The following C5 variants were observed in gnomAD, a reference collection of about 807,000 sequenced individuals.
C5 encodes the protein C3 and PZP-like alpha-2-macroglobulin domain-containing protein 4.
Under a neutral mutation model 218.8 loss-of-function variants are expected in C5, and 140 were observed. That is an observed-to-expected ratio of 0.64 (90% CI 0.56 to 0.74). The LOEUF (loss-of-function observed/expected upper bound fraction) is 0.74. C5 is among the 30% of genes least tolerant of loss of function. C5 has a pLI of 0.00. For synonymous variants in C5, 614 were observed against 682.3 expected, an observed-to-expected ratio of 0.90 and a Z score of 1.56; for missense variants, 1,700 against 1,969.6, an observed-to-expected ratio of 0.86 and a Z score of 2.59.
chr9:120,984,921 C>T (rs1034015258), intron 25 of C5, among the ~76,000 whole-genome samples: 1 of 151,700 alleles, frequency 6.6e-6, no homozygotes, highest in Non-Finnish European at 1.5e-5. Flanking sequence ...AGGGTTTCAC[C>T]ATGTTGGCCA....
Position 121,015,261 on chromosome 9 carries a change from T to C in C5, c.1997A>G (p.Asp666Gly). 2 of 1,599,424 alleles carry C rather than the reference T, an allele frequency of 1.3e-6. No individual in the cohort carries two copies. Among genetic ancestry groups the C allele is most frequent in the Middle Eastern group, 1.7e-4 (1 of 6,024 alleles). Residue 666 changes from aspartate to glycine, a missense_variant and splice_region_variant, in exon 16 of 41, where the codon GAT becomes GGT. Coordinates refer to ENST00000223642, the MANE Select transcript of C5 (RefSeq NM_001735.3). ...NANADDSQEN[D>G]EPCKEILRPR... Reference sequence around the variant, plus strand: ...CCTGAGAATTTCTTTACAAGGTTCATCTGGTTTTTTTAAAAAAAGATAAAG... The same window carrying C: ...CCTGAGAATTTCTTTACAAGGTTCACCTGGTTTTTTTAAAAAAAGATAAAG...
intron 35 of C5, 31 bp downstream of exon 35, chr9:120,962,862 T>C (rs780932441): frequency 6.2e-7 from 1 of 1,607,766 alleles, no homozygotes; most frequent in South Asian, 1.1e-5. Flanking sequence ...ATAGTAATAG[T>C]AAAGGAAAAA....
At chr9:121,071,321 A>G in the C5 span, among the ~76,000 whole-genome samples, 6 of 152,154 alleles carry the variant, frequency 3.9e-5, no homozygotes, top group Non-Finnish European at 5.9e-5. Context: ...CTCTGTCTCA[A>G]AAAAACAAAA....
At chr9:121,017,873 C>A (rs766724214) in intron 12 of C5, 21 bp from the exon 13 acceptor site, 2 of 1,438,506 alleles carry the variant, frequency 1.4e-6, no homozygotes, top group Non-Finnish European at 2.0e-6. Flanking sequence ...ACAGCAGCAG[C>A]AACAATAAGT....
intron 7 of C5, among the ~76,000 whole-genome samples, chr9:121,030,098 A>G (rs914363617): frequency 2.0e-5 from 3 of 152,232 alleles, no homozygotes; most frequent in Admixed American, 2.0e-4. Context: ...TGAATCCTTC[A>G]TATCTCAGTC....
rs150096192 is a variant in C5 at position 120,989,689 on chromosome 9, C to T, written c.3033G>A (p.Glu1011=). The part of the protein sequence containing the change: ...THLPKGSAEA[E]LMSVVPVFYV... ...AGAATACTGGGACAACGCTCATCAG[C>T]TCCGCCTCTGCACTCCCTTTGGGGA... The change falls in exon 24 of 41, where the codon GAG becomes GAA. Residue 1011 remains glutamate, a synonymous_variant. Coordinates refer to ENST00000223642, the MANE Select transcript of C5 (RefSeq NM_001735.3). 1 of 1,614,002 alleles carries T rather than the reference C, an allele frequency of 6.2e-7. No homozygotes were observed. The highest frequency in any genetic ancestry group is 8.5e-7 in the Non-Finnish European group (1 of 1,179,932).
intron 3 of C5, among the ~76,000 whole-genome samples, chr9:121,041,229 C>T (rs571866449): frequency 3.4e-5 from 5 of 147,460 alleles, no homozygotes; most frequent in African/African-American, 9.9e-5. Flanking sequence ...CAGGCATGAG[C>T]CACTGTGCCT....
At chr9:120,966,186 G>A (rs1179721127) in intron 33 of C5, among the ~76,000 whole-genome samples, 5 of 152,218 alleles carry the variant, frequency 3.3e-5, no homozygotes, top group Admixed American at 1.3e-4. Context: ...TATTCCACCC[G>A]CCTTTCTGGA....
At chr9:120,984,739 T>C (rs913732522) in intron 25 of C5, among the ~76,000 whole-genome samples, 6 of 87,138 alleles carry the variant, frequency 6.9e-5, no homozygotes, top group Admixed American at 1.4e-4. Flanking sequence ...TTTTTTTTTT[T>C]CAGACGGACT....
upstream of C5, among the ~76,000 whole-genome samples, chr9:121,050,728 C>T (rs965103379): frequency 2.6e-4 from 40 of 152,192 alleles, no homozygotes; most frequent in African/African-American, 8.2e-4. Flanking sequence ...TTTTTGGTGA[C>T]CTGAATGGCA....
At chr9:121,032,925 C>T (rs559410207) in intron 5 of C5, among the ~76,000 whole-genome samples, 163 of 152,076 alleles carry the variant, frequency 1.1e-3, no homozygotes, top group African/African-American at 3.4e-3. Flanking sequence ...TGCTTGAGCC[C>T]GCGAGATCAA....
chr9:121,067,391 T>G, the C5 span, among the ~76,000 whole-genome samples: 1 of 151,436 alleles, frequency 6.6e-6, no homozygotes, highest in Non-Finnish European at 1.5e-5. Flanking sequence ...TGAAACCCTG[T>G]CTCTACTAAA....
Position 121,020,196 on chromosome 9 carries a change from CA to C in C5, c.1303-18del. The C allele has an allele frequency of 6.4e-7, 1 of 1,564,318 alleles. No individual in the cohort carries two copies. ...AGTTTTGACCTGAAAAGAGAAATTT[CA>C]AAAAGACATGTATACTGTGATGTAA... On this transcript the variant is annotated intron_variant, in intron 11 of 40. Coordinates refer to ENST00000223642, the MANE Select transcript of C5 (RefSeq NM_001735.3).
In C5 at chr9:120,971,918, T is replaced by C. The variant is rs2046917232; in HGVS notation, c.4080+12A>G. 2.5e-6 allele frequency: 4 copies of C among 1,596,632 alleles called. No individual in the cohort carries two copies. Among genetic ancestry groups the C allele is most frequent in the Non-Finnish European group, 3.4e-6 (4 of 1,164,310 alleles). On this transcript the variant is annotated intron_variant, in intron 31 of 40. Coordinates refer to ENST00000223642, the MANE Select transcript of C5 (RefSeq NM_001735.3). Reference sequence around the variant, plus strand: ...CACATAACTCGTTATTGGATATCAATTAAATACTTACATGTACTGTAGCCA... The same window carrying C: ...CACATAACTCGTTATTGGATATCAACTAAATACTTACATGTACTGTAGCCA...
At chr9:121,048,832 T>C (rs943661451) in intron 1 of C5, among the ~76,000 whole-genome samples, 1 of 152,240 alleles carries the variant, frequency 6.6e-6, no homozygotes, top group Non-Finnish European at 1.5e-5. Flanking sequence ...AATATTTGCA[T>C]GGTTTGCTTC....
chr9:120,971,820 T>C, intron 31 of C5, 110 bp downstream of exon 31: 1 of 786,734 alleles, frequency 1.3e-6, no homozygotes, highest in Non-Finnish European at 2.2e-6. Context: ...ACTTTAGTCA[T>C]GGTTACCCAA....
chr9:120,985,126 A>G (rs2047023678), intron 25 of C5, among the ~76,000 whole-genome samples: 1 of 152,162 alleles, frequency 6.6e-6, no homozygotes, highest in Non-Finnish European at 1.5e-5. Flanking sequence ...CCCTAAAGGT[A>G]AAGCAAATAC....
At chr9:120,989,304 T>TA (rs1398155889) in intron 24 of C5, among the ~76,000 whole-genome samples, 183 bp from the exon 25 acceptor site, 1 of 152,212 alleles carries the variant, frequency 6.6e-6, no homozygotes, top group Admixed American at 6.5e-5. Context: ...AATTATCAAG[T>TA]AGAACATTCT....
At chr9:121,008,620 T>C in intron 17 of C5, 122 bp from the exon 18 acceptor site, 1 of 754,220 alleles carries the variant, frequency 1.3e-6, no homozygotes, top group Non-Finnish European at 2.3e-6. Flanking sequence ...TAAAACATTT[T>C]GTTTAATGCT....
Sources: gnomAD v4.1 joint callset for allele counts (sites outside exome capture counted in the v4.1 genomes callset) on GRCh38, gnomAD v4.1.1 for gene constraint, MANE v1.5 for transcripts, NCBI Gene and HGNC (gene_info 2026-07-23, HGNC 2026-07-21) for gene names.